Variants in CUBN observed in about 807,000 individuals in gnomAD.
CUBN encodes 460 kDa receptor.
In CUBN, 282 loss-of-function variants were observed where a neutral mutation model predicts 405.3. That is an observed-to-expected ratio of 0.70 (90% CI 0.63 to 0.77). CUBN has a LOEUF of 0.77. CUBN is among the 30% of genes least tolerant of loss of function. The pLI, the probability that CUBN is intolerant of heterozygous loss-of-function variation, is 0.00. For missense variants in CUBN, 4,514 were observed against 4,475.2 expected, an observed-to-expected ratio of 1.01 and a Z score of -0.25; for synonymous variants, 1,684 against 1,617.0, an observed-to-expected ratio of 1.04 and a Z score of -0.99.
intron 26 of CUBN, among the ~76,000 whole-genome samples, chr10:17,042,593 A>T (rs1835042813): frequency 6.6e-6 from 1 of 152,214 alleles, no homozygotes; most frequent in African/African-American, 2.4e-5. Context: ...AGATTAGCAC[A>T]GCAGTAATAA....
At chr10:16,966,109 G>A in intron 31 of CUBN, 1 of 413,552 alleles carries the variant, frequency 2.4e-6, no homozygotes, top group Non-Finnish European at 4.9e-6. Flanking sequence ...TAGGGTGGGA[G>A]TCCCCCATCC....
At chr10:16,843,551 A>C (rs1295438701) in intron 60 of CUBN, among the ~76,000 whole-genome samples, 2 of 152,218 alleles carry the variant, frequency 1.3e-5, no homozygotes, top group African/African-American at 4.8e-5. Context: ...CCTTTGTTTC[A>C]TGGAAGAGCA....
At chr10:16,893,155 A>G (rs748485963) in intron 54 of CUBN, among the ~76,000 whole-genome samples, 35 of 152,204 alleles carry the variant, frequency 2.3e-4, no homozygotes, top group Admixed American at 3.9e-4. Context: ...TTAGTGTTCT[A>G]TATAATTCAG....
At chr10:17,011,192 T>A (rs1045599532) in intron 28 of CUBN, among the ~76,000 whole-genome samples, 2 of 152,224 alleles carry the variant, frequency 1.3e-5, no homozygotes, top group African/African-American at 4.8e-5. Context: ...CAGTAGTGTG[T>A]CTGGAATTTA....
chr10:16,911,040 G>A (rs1841715842), intron 48 of CUBN, among the ~76,000 whole-genome samples: 1 of 152,164 alleles, frequency 6.6e-6, no homozygotes, highest in African/African-American at 2.4e-5. Context: ...ATGACAGCTA[G>A]CATCAGGCTT....
At chr10:16,994,377 G>A (rs189422425) in intron 28 of CUBN, among the ~76,000 whole-genome samples, 4 of 152,294 alleles carry the variant, frequency 2.6e-5, no homozygotes, top group Admixed American at 2.6e-4. Flanking sequence ...TTTACTAAGA[G>A]TAATTTCAAT....
chr10:16,949,600 G>C (rs1317415568), intron 34 of CUBN, among the ~76,000 whole-genome samples: 1 of 151,428 alleles, frequency 6.6e-6, no homozygotes, highest in Non-Finnish European at 1.5e-5. Context: ...ATCTAATTAA[G>C]TGCTTTTTTT....
At chr10:16,855,559 G>A (rs974984054) in intron 59 of CUBN, among the ~76,000 whole-genome samples, 4 of 152,128 alleles carry the variant, frequency 2.6e-5, no homozygotes, top group South Asian at 4.1e-4. Context: ...CAGCCAACCC[G>A]CAGCTTGGAA....
At chr10:17,068,914 A>G in intron 19 of CUBN, 144 bp from the exon 20 acceptor site, 2 of 695,522 alleles carry the variant, frequency 2.9e-6, no homozygotes, top group South Asian at 1.8e-5. Flanking sequence ...GTCACCCCCC[A>G]AAAAACACTC....
At chr10:16,896,562 C>T (rs986264310) in intron 54 of CUBN, among the ~76,000 whole-genome samples, 6 of 152,174 alleles carry the variant, frequency 3.9e-5, no homozygotes, top group African/African-American at 9.7e-5. Context: ...TAGGTAATGT[C>T]CCAATTCTCT....
intron 21 of CUBN, 81 bp downstream of exon 21, chr10:17,067,983 G>A (rs1588621739): frequency 3.6e-6 from 4 of 1,111,436 alleles, no homozygotes; most frequent in East Asian, 2.4e-5. Context: ...ATAACACAAC[G>A]TGGTCAATTT....
chr10:16,923,891 G>A (rs1344308119), intron 43 of CUBN, among the ~76,000 whole-genome samples: 2 of 152,126 alleles, frequency 1.3e-5, no homozygotes, highest in Admixed American at 6.5e-5. Flanking sequence ...GGGCAACATG[G>A]TGAAATCCCA....
At chr10:17,092,171 T>G (rs1564512252) in intron 14 of CUBN, among the ~76,000 whole-genome samples, 1 of 152,186 alleles carries the variant, frequency 6.6e-6, no homozygotes, top group African/African-American at 2.4e-5. Flanking sequence ...ATCAGAGTTA[T>G]GAACGGGTCT....
chr10:17,088,068 G>T, intron 15 of CUBN, 96 bp downstream of exon 15: 1 of 871,458 alleles, frequency 1.1e-6, no homozygotes, highest in Non-Finnish European at 1.9e-6. Flanking sequence ...CCTAACTACA[G>T]CTAATATTTT....
chr10:17,019,456 G>A (rs181253933), intron 28 of CUBN, among the ~76,000 whole-genome samples: 1 of 152,086 alleles, frequency 6.6e-6, no homozygotes, highest in East Asian at 1.9e-4. Context: ...ACGTCAAGGT[G>A]AGCCTTAAGT....
chr10:16,897,343 A>T (rs1841214478), intron 54 of CUBN, among the ~76,000 whole-genome samples: 1 of 152,174 alleles, frequency 6.6e-6, no homozygotes, highest in Non-Finnish European at 1.5e-5. Flanking sequence ...TGTGGGTTAC[A>T]GTTCCAGTTG....
intron 56 of CUBN, among the ~76,000 whole-genome samples, chr10:16,882,435 A>C (rs1840690179): frequency 6.6e-6 from 1 of 152,210 alleles, no homozygotes; most frequent in Non-Finnish European, 1.5e-5. Flanking sequence ...CCATGCAGTA[A>C]AATTTAATTT....
chr10:17,009,095 G>T (rs1834108636), intron 28 of CUBN, among the ~76,000 whole-genome samples: 1 of 152,146 alleles, frequency 6.6e-6, no homozygotes. Flanking sequence ...TGTACCTGTG[G>T]CATTGCATAC....
intron 22 of CUBN, among the ~76,000 whole-genome samples, chr10:17,061,674 G>T (rs1835507217): frequency 6.6e-6 from 1 of 152,164 alleles, no homozygotes; most frequent in Non-Finnish European, 1.5e-5. Flanking sequence ...GGCCAAGAAA[G>T]CCCAGTAGGG....
Sources: allele counts gnomAD v4.1 joint callset (sites outside exome capture counted in the v4.1 genomes callset), GRCh38; gene constraint gnomAD v4.1.1; transcripts MANE v1.5; gene names NCBI Gene and HGNC (gene_info 2026-07-23, HGNC 2026-07-21).